Variants in NEURL1 observed in about 807,000 individuals in gnomAD.
The protein encoded by NEURL1 is neuralized E3 ubiquitin protein ligase 1.
A neutral mutation model predicts 41.2 loss-of-function variants in NEURL1; 26 were observed. That is an observed-to-expected ratio of 0.63 (90% CI 0.46 to 0.87). The LOEUF is 0.87. Ranked by LOEUF, NEURL1 falls within the 40% of genes least tolerant of loss-of-function variation. The pLI, the probability that NEURL1 is intolerant of heterozygous loss-of-function variation, is 0.00. For synonymous variants in NEURL1, 400 were observed against 402.3 expected (o/e 0.99, Z 0.07); for missense variants, 761 against 871.1 (o/e 0.87, Z 1.59).
rs2133875366 is a variant in NEURL1 at position 103,566,733 on chromosome 10, A to G, written c.86-4139A>G. Among the ~76,000 whole-genome samples the G allele has an allele frequency of 6.6e-6, 1 of 152,286 alleles. No individual in the cohort carries two copies. Among genetic ancestry groups the G allele is most frequent in the Admixed American group, 6.5e-5 (1 of 15,274 alleles). ...GCCTGGAAGTGTGATGCTGGGACAT[A>G]TGTTAGGCATTTTTCACTTCATGAG... On this transcript the variant is annotated intron_variant, in intron 1 of 5. Coordinates refer to ENST00000369780, the MANE Select transcript of NEURL1 (RefSeq NM_004210.5). The surrounding 1 kb of genome is among the most constrained non-coding windows in gnomAD (Gnocchi z 4.2).
rs749791860 is a variant in NEURL1, at chr10:103,533,726, C to T, written c.86-37146C>T. On this transcript the variant is annotated intron_variant, in intron 1 of 5. Transcript: ENST00000369780. ...TAATTTTTTGTATTTTTAGTAGAGA[C>T]GGGGTTTCACCGTGTTAGCCAGGAT... Among the ~76,000 whole-genome samples, 41 of 152,248 alleles carry T rather than the reference C, an allele frequency of 2.7e-4. No individual in the cohort carries two copies. In the East Asian group the frequency reaches 2.7e-3, roughly 10 times the overall value.
intron 1 of NEURL1, among the ~76,000 whole-genome samples, chr10:103,526,465 A>C (rs2034460723): frequency 1.3e-5 from 2 of 151,534 alleles, no homozygotes; most frequent in African/African-American, 4.8e-5. Context: ...ATCTTGGTAG[A>C]TTTCATGTGT....
At chr10:103,555,188 C>T (rs1387163453) in intron 1 of NEURL1, 7 of 433,448 alleles carry the variant, frequency 1.6e-5, no homozygotes, top group Non-Finnish European at 2.0e-5. Flanking sequence ...TGGCCGCGGG[C>T]GGGCGGCGTG....
chr10:103,503,601 C>T (rs1449441639), intron 1 of NEURL1, among the ~76,000 whole-genome samples: 1 of 151,976 alleles, frequency 6.6e-6, no homozygotes, highest in Non-Finnish European at 1.5e-5. Flanking sequence ...GGCCATCAGC[C>T]GTGGGCTAGA....
intron 1 of NEURL1, chr10:103,550,416 AG>A (rs986843706): frequency 5.9e-5 from 9 of 152,382 alleles, no homozygotes; most frequent in Non-Finnish European, 1.0e-4. Flanking sequence ...CTGTCAGACC[AG>A]GCCCCCAGGG....
chr10:103,571,179 C>A, intron 2 of NEURL1, 66 bp downstream of exon 2: 1 of 1,522,068 alleles, frequency 6.6e-7, no homozygotes, highest in Non-Finnish European at 9.0e-7. Context: ...ATCCCCTGGG[C>A]CTCTGGACTC....
At chr10:103,521,282 G>A (rs1008068377) in intron 1 of NEURL1, among the ~76,000 whole-genome samples, 6 of 152,142 alleles carry the variant, frequency 3.9e-5, no homozygotes, top group African/African-American at 1.2e-4. Flanking sequence ...AGGCCAAACC[G>A]AGGAATTATG....
intron 1 of NEURL1, among the ~76,000 whole-genome samples, chr10:103,537,151 T>C (rs2034709971): frequency 2.6e-5 from 4 of 152,250 alleles, no homozygotes; most frequent in Admixed American, 2.6e-4. Flanking sequence ...CCACATTTTG[T>C]TTATCCATTC....
In NEURL1 at chr10:103,494,494, T is replaced by G. The variant is rs778821616; in HGVS notation, c.85+22T>G. On this transcript the variant is annotated intron_variant, in intron 1 of 5. Transcript: ENST00000369780. ...AAAGGTAGGCTCCCCGGCCGAGCGCTGCTGGAGGACTGGGGCGCAGGTGGA... is the reference window on the plus strand; with the variant it reads ...AAAGGTAGGCTCCCCGGCCGAGCGCGGCTGGAGGACTGGGGCGCAGGTGGA... 4 of 1,530,126 alleles carry G rather than the reference T, an allele frequency of 2.6e-6. No individual in the cohort carries two copies. The South Asian group carries it at 4.9e-5, about 19-fold the overall frequency. 94.8% of individuals were successfully genotyped at this position (1,530,126 alleles called of 1,614,324 possible). A position where few individuals can be genotyped will look rare whatever the true frequency, so the allele number is the denominator to read the frequency against.
intron 1 of NEURL1, among the ~76,000 whole-genome samples, chr10:103,507,837 T>A (rs527907109): frequency 5.3e-5 from 8 of 152,308 alleles, no homozygotes; most frequent in Admixed American, 5.2e-4. Flanking sequence ...GCCAGGGACC[T>A]GCAGCCCTGC....
chr10:103,582,729 C>T (rs564534866), intron 3 of NEURL1, among the ~76,000 whole-genome samples: 125 of 152,362 alleles, frequency 8.2e-4, no homozygotes, highest in African/African-American at 2.7e-3. Context: ...CCCCAGCCAT[C>T]CTTAACCCAG....
chr10:103,498,427 C>T lies in NEURL1; in HGVS notation c.85+3955C>T, dbSNP rs556251625. On this transcript the variant is annotated intron_variant, in intron 1 of 5. Coordinates refer to ENST00000369780, the MANE Select transcript of NEURL1 (RefSeq NM_004210.5). ...ATTTTTAGTAGAGATGGAGTTTCAC[C>T]GTGTTAGCCAGGATGGTCTCGATCT... Among the ~76,000 whole-genome samples the T allele has an allele frequency of 1.1e-3, 171 of 152,134 alleles. 1 individual carries two copies. Among genetic ancestry groups the T allele is most frequent in the Non-Finnish European group, 2.0e-3 (139 of 67,980 alleles).
intron 1 of NEURL1, among the ~76,000 whole-genome samples, chr10:103,517,113 A>G (rs1171257233): frequency 6.8e-6 from 1 of 148,024 alleles, no homozygotes; most frequent in East Asian, 2.0e-4. Context: ...TGCAGCCTCC[A>G]CCTCCTGGGC....
chr10:103,529,859 T>C (rs1323494091), intron 1 of NEURL1, among the ~76,000 whole-genome samples: 3 of 152,184 alleles, frequency 2.0e-5, no homozygotes, highest in Non-Finnish European at 4.4e-5. Flanking sequence ...TGATTCACCA[T>C]GGAAGATGTT....
intron 4 of NEURL1, among the ~76,000 whole-genome samples, chr10:103,586,153 A>C (rs2133885997): frequency 6.6e-6 from 1 of 152,090 alleles, no homozygotes; most frequent in African/African-American, 2.4e-5. Flanking sequence ...TCTTTATTGG[A>C]AGACTTCTCA....
At chr10:103,547,966 C>T (rs1384048694) in intron 1 of NEURL1, among the ~76,000 whole-genome samples, 1 of 152,098 alleles carries the variant, frequency 6.6e-6, no homozygotes, top group African/African-American at 2.4e-5. Context: ...CATAAAGTCT[C>T]GTTGCCTGCC....
At chr10:103,538,330 G>T (rs1159573285) in intron 1 of NEURL1, among the ~76,000 whole-genome samples, 1 of 152,158 alleles carries the variant, frequency 6.6e-6, no homozygotes, top group Non-Finnish European at 1.5e-5. Flanking sequence ...CAGCACTTTG[G>T]GAGGCCAAGG....
At chr10:103,571,394 G>T in intron 2 of NEURL1, 107 bp from the exon 3 acceptor site, 1 of 1,217,610 alleles carries the variant, frequency 8.2e-7, no homozygotes, top group South Asian at 1.5e-5. Flanking sequence ...CTGGAATGGT[G>T]GGCAGGCTGC....
In NEURL1 at chr10:103,493,893, C is replaced by A. The variant is rs2133839647; in HGVS notation, c.-495C>A. 1 of 152,118 alleles carries A rather than the reference C, an allele frequency of 6.6e-6. No homozygotes were observed. Among genetic ancestry groups the A allele is most frequent in the East Asian group, 1.9e-4 (1 of 5,154 alleles). 9.4% of individuals were successfully genotyped at this position (152,118 alleles called of 1,614,324 possible). On this transcript the variant is annotated 5_prime_UTR_variant, in exon 1 of 6. Coordinates refer to ENST00000369780, the MANE Select transcript of NEURL1 (RefSeq NM_004210.5). The stretch of plus-strand genomic sequence containing the variant: ...CCGCGCTCCGCCGAGCCCCGCTCCA[C>A]GCAGACCCGCGGGCGGGAGGGAGCC...
Sources: gnomAD v4.1 joint callset for allele counts (sites outside exome capture counted in the v4.1 genomes callset) on GRCh38, gnomAD v4.1.1 for gene constraint, Gnocchi (gnomAD v3.1) non-coding constraint, MANE v1.5 for transcripts, NCBI Gene and HGNC (gene_info 2026-07-23, HGNC 2026-07-21) for gene names.